THSD7B: variants seen among roughly 807,000 people sequenced by gnomAD.
THSD7B encodes the protein thrombospondin type 1 domain containing 7B.
In THSD7B, 138 loss-of-function variants were observed where a neutral mutation model predicts 213.6. The observed-to-expected ratio is 0.65, with a 90% CI of 0.56 to 0.74. THSD7B has a LOEUF of 0.74. THSD7B is among the 30% of genes least tolerant of loss of function. The pLI is 0.00. For missense variants in THSD7B, 1,931 were observed against 1,991.5 expected, an observed-to-expected ratio of 0.97 and a Z score of 0.58; for synonymous variants, 742 against 687.0, an observed-to-expected ratio of 1.08 and a Z score of -1.25.
intron 2 of THSD7B, among the ~76,000 whole-genome samples, chr2:137,046,730 CAAAAAAAAAAA>C (rs59928985): frequency 2.9e-4 from 13 of 44,316 alleles, no homozygotes; most frequent in Admixed American, 1.6e-3. Flanking sequence ...AACTCCGTCT[CAAAAAAAAAAA>C]AAAAAAAAAA....
chr2:137,580,912 C>T (rs911296724), intron 17 of THSD7B, among the ~76,000 whole-genome samples: 1 of 152,158 alleles, frequency 6.6e-6, no homozygotes, highest in Non-Finnish European at 1.5e-5. Context: ...CCAAAATATT[C>T]ATAAGGAATC....
At chr2:136,872,780 C>A (rs1246551211) in intron 1 of THSD7B, among the ~76,000 whole-genome samples, 15 of 119,456 alleles carry the variant, frequency 1.3e-4, no homozygotes, top group Admixed American at 1.1e-4. Context: ...ATCTACCTGG[C>A]CAAGATGATG....
chr2:137,279,765 A>G (rs928469256), intron 12 of THSD7B, among the ~76,000 whole-genome samples: 7 of 152,154 alleles, frequency 4.6e-5, no homozygotes, highest in African/African-American at 1.7e-4. Flanking sequence ...ACGCATATTA[A>G]TAGGATGGAC....
chr2:137,491,111 T>C (rs1407385565), intron 15 of THSD7B, among the ~76,000 whole-genome samples: 1 of 152,252 alleles, frequency 6.6e-6, no homozygotes, highest in East Asian at 1.9e-4. Context: ...GTGAGTAATT[T>C]CCATGTGTCT....
At chr2:136,924,094 G>T (rs1684482873) in intron 2 of THSD7B, among the ~76,000 whole-genome samples, 2 of 152,102 alleles carry the variant, frequency 1.3e-5, no homozygotes, top group African/African-American at 4.8e-5. Context: ...TAACTCTTCT[G>T]TTTAGGTTTT....
chr2:137,246,001 C>A (rs563414931), intron 10 of THSD7B, among the ~76,000 whole-genome samples: 1 of 151,980 alleles, frequency 6.6e-6, no homozygotes, highest in Non-Finnish European at 1.5e-5. Flanking sequence ...AAGCTCTATG[C>A]GGGGTTGGGT....
intron 12 of THSD7B, among the ~76,000 whole-genome samples, chr2:137,321,179 C>A (rs1016395283): frequency 5.3e-5 from 8 of 152,122 alleles, no homozygotes; most frequent in Admixed American, 5.2e-4. Context: ...AAAAATTATT[C>A]TTTCCATTTT....
intron 1 of THSD7B, among the ~76,000 whole-genome samples, chr2:136,788,295 A>G (rs1264722198): frequency 2.0e-5 from 3 of 152,180 alleles, no homozygotes; most frequent in Non-Finnish European, 2.9e-5. Flanking sequence ...ACTTCTTCCA[A>G]TTGGAGTATG....
chr2:137,323,324 C>G (rs951945290), intron 12 of THSD7B, among the ~76,000 whole-genome samples: 3 of 152,172 alleles, frequency 2.0e-5, no homozygotes, highest in Non-Finnish European at 2.9e-5. Context: ...GGTAGCCTGA[C>G]TTGTGGCTGC....
At chr2:137,236,941 T>A (rs1452734602) in intron 9 of THSD7B, among the ~76,000 whole-genome samples, 1 of 151,956 alleles carries the variant, frequency 6.6e-6, no homozygotes, top group African/African-American at 2.4e-5. Flanking sequence ...TGAAACCCCA[T>A]CTCTACTAAA....
chr2:136,977,673 A>G (rs1339315053), intron 2 of THSD7B, among the ~76,000 whole-genome samples: 1 of 152,000 alleles, frequency 6.6e-6, no homozygotes, highest in Non-Finnish European at 1.5e-5. Flanking sequence ...CTTTGTTCTC[A>G]TTAGTTTCAA....
intron 15 of THSD7B, among the ~76,000 whole-genome samples, chr2:137,513,656 A>T (rs1397203314): frequency 6.6e-6 from 1 of 152,080 alleles, no homozygotes; most frequent in African/African-American, 2.4e-5. Flanking sequence ...AGTTATTATT[A>T]TTTTTTTACT....
chr2:137,503,849 A>AC (rs1361975110), intron 15 of THSD7B, among the ~76,000 whole-genome samples: 2 of 151,822 alleles, frequency 1.3e-5, no homozygotes, highest in Non-Finnish European at 2.9e-5. Context: ...ACATGGTGAA[A>AC]CCCCGTCTCT....
chr2:137,089,397 T>C lies in THSD7B; in HGVS notation c.951-5476T>C, dbSNP rs1485429069. On this transcript the variant is annotated intron_variant, in intron 3 of 27. Coordinates refer to ENST00000409968, the MANE Select transcript of THSD7B (RefSeq NM_001316349.2). ...GTATATATACTAGTGTGTATATGTA[T>C]ATATACATATACACACACATATATG... 8.0e-5 allele frequency among the ~76,000 whole-genome samples: 12 copies of C among 149,700 alleles called. No individual in the cohort carries two copies. In the Admixed American group the frequency reaches 8.1e-4, roughly 10 times the overall value.
chr2:137,308,481 T>C (rs1174936326), intron 12 of THSD7B, among the ~76,000 whole-genome samples: 2 of 152,142 alleles, frequency 1.3e-5, no homozygotes, highest in African/African-American at 2.4e-5. Flanking sequence ...TTAGACTTCA[T>C]TCAGAGTCGT....
chr2:137,142,416 A>G (rs1034067922), intron 5 of THSD7B, among the ~76,000 whole-genome samples: 1 of 152,046 alleles, frequency 6.6e-6, no homozygotes, highest in African/African-American at 2.4e-5. Context: ...TCTCAATATC[A>G]TTACTATGGC....
At chr2:137,109,306 T>C (rs1688306628) in intron 4 of THSD7B, among the ~76,000 whole-genome samples, 1 of 152,188 alleles carries the variant, frequency 6.6e-6, no homozygotes, top group Non-Finnish European at 1.5e-5. Flanking sequence ...GGAATAACAC[T>C]CACAATCTAT....
chr2:136,905,649 T>G (rs1169284585), intron 2 of THSD7B, among the ~76,000 whole-genome samples: 5 of 152,214 alleles, frequency 3.3e-5, no homozygotes, highest in Non-Finnish European at 7.3e-5. Context: ...TGTTCTCCTA[T>G]CTAATACAAT....
intron 17 of THSD7B, among the ~76,000 whole-genome samples, chr2:137,590,652 T>C (rs769060686): frequency 6.6e-6 from 1 of 152,120 alleles, no homozygotes; most frequent in Non-Finnish European, 1.5e-5. Flanking sequence ...TAGCACAGGT[T>C]TTTTAGTGCT....
Sources: allele counts gnomAD v4.1 joint callset (sites outside exome capture counted in the v4.1 genomes callset), GRCh38; gene constraint gnomAD v4.1.1; transcripts MANE v1.5; gene names NCBI Gene and HGNC (gene_info 2026-07-23, HGNC 2026-07-21).